KCNN2: variants seen among roughly 807,000 people sequenced by gnomAD.
The protein encoded by KCNN2 is small conductance calcium-activated potassium channel protein 2.
KCNN2 carries 24 observed loss-of-function variants against 55.5 expected under a neutral mutation model. The observed-to-expected ratio is 0.43, with a 90% CI of 0.31 to 0.61. The LOEUF (loss-of-function observed/expected upper bound fraction) is 0.61, where lower values mean the gene tolerates loss of function less well. KCNN2 is among the 20% of genes least tolerant of loss of function. The probability of loss-of-function intolerance (pLI) is 0.08; values close to 1 mark genes in which losing one functional copy is unlikely to be tolerated. For synonymous variants in KCNN2, 431 were observed against 336.1 expected, an observed-to-expected ratio of 1.28 and a Z score of -3.09; for missense variants, 754 against 853.6, an observed-to-expected ratio of 0.88 and a Z score of 1.45.
intron 1 of KCNN2, among the ~76,000 whole-genome samples, chr5:114,111,449 A>G (rs992016094): frequency 6.6e-6 from 1 of 152,218 alleles, no homozygotes; most frequent in Admixed American, 6.5e-5. Flanking sequence ...AAACACGAAA[A>G]GCAAGGGCAA....
chr5:114,162,980 C>G (rs1352054250), intron 1 of KCNN2, among the ~76,000 whole-genome samples: 1 of 152,182 alleles, frequency 6.6e-6, no homozygotes, highest in East Asian at 1.9e-4. Flanking sequence ...CCTGCTTCGG[C>G]TCATGCACGG....
chr5:114,363,001 T>A lies in KCNN2; in HGVS notation c.862T>A (p.Ser288Thr). 1 of 1,594,982 alleles carries A rather than the reference T, an allele frequency of 6.3e-7. No homozygotes were observed. Among genetic ancestry groups the A allele is most frequent in the South Asian group, 1.1e-5 (1 of 90,056 alleles). Reference protein sequence around the residue: ...IVVSKPEHNNSNNLALYGTGG... With the variant: ...IVVSKPEHNNTNNLALYGTGG... ...GGTGTCTAAGCCCGAGCACAACAACTCCAACAACCTGGCGCTCTATGGAAC... is the reference window on the plus strand; with the variant it reads ...GGTGTCTAAGCCCGAGCACAACAACACCAACAACCTGGCGCTCTATGGAAC... The change falls in exon 1 of 8, where the codon TCC becomes ACC. Residue 288 changes from serine (S) to threonine (T), a missense_variant. Around this residue, in one of 4 missense-constraint regions of KCNN2, gnomAD observed 381 missense variants for 259.1 expected, o/e 1.47. Coordinates refer to ENST00000673685, the MANE Select transcript of KCNN2 (RefSeq NM_021614.4).
chr5:114,439,096 G>C (rs1232669894), intron 3 of KCNN2, among the ~76,000 whole-genome samples: 1 of 152,140 alleles, frequency 6.6e-6, no homozygotes, highest in Non-Finnish European at 1.5e-5. Context: ...TGATAGACTT[G>C]ATATTCTCAT....
intron 2 of KCNN2, among the ~76,000 whole-genome samples, chr5:114,394,896 T>G (rs1758570626): frequency 6.6e-6 from 1 of 152,214 alleles, no homozygotes; most frequent in Non-Finnish European, 1.5e-5. Flanking sequence ...TTTTAAAATT[T>G]ATGTGGCTGC....
At chr5:114,257,656 T>C (rs2150002807) in intron 2 of KCNN2, among the ~76,000 whole-genome samples, 1 of 152,292 alleles carries the variant, frequency 6.6e-6, no homozygotes, top group Non-Finnish European at 1.5e-5. Context: ...AGCTTGATTG[T>C]TATAGGTATA....
intron 2 of KCNN2, among the ~76,000 whole-genome samples, chr5:114,312,225 C>G (rs1293989558): frequency 6.6e-6 from 1 of 151,646 alleles, no homozygotes; most frequent in African/African-American, 2.4e-5. Flanking sequence ...TTGGAACAAT[C>G]TCTTTTCTTC....
intron 1 of KCNN2, among the ~76,000 whole-genome samples, chr5:114,188,079 C>T (rs1272588793): frequency 6.6e-6 from 1 of 152,186 alleles, no homozygotes; most frequent in East Asian, 1.9e-4. Flanking sequence ...TACCAAAGTG[C>T]TGGGATTACA....
chr5:114,250,840 C>T (rs550795506), intron 2 of KCNN2, among the ~76,000 whole-genome samples: 15 of 152,246 alleles, frequency 9.9e-5, no homozygotes, highest in East Asian at 1.9e-4. Context: ...TATTTCTCTC[C>T]GGCCATCCAT....
At chr5:114,173,843 G>C (rs1011347669) in intron 1 of KCNN2, among the ~76,000 whole-genome samples, 1 of 151,790 alleles carries the variant, frequency 6.6e-6, no homozygotes, top group Admixed American at 6.6e-5. Context: ...AAATGTCTAA[G>C]AAAATCATTA....
chr5:114,158,482 G>T (rs200989270), intron 1 of KCNN2, among the ~76,000 whole-genome samples: 1 of 152,096 alleles, frequency 6.6e-6, no homozygotes, highest in Non-Finnish European at 1.5e-5. Flanking sequence ...ACTTGGCAAT[G>T]CAGGCTCTTT....
Position 114,496,059 on chromosome 5 carries a change from C to T in KCNN2, c.2253C>T (p.Phe751=), listed in dbSNP as rs80303410. ...CCATCAGGCAGCAGCAGAGAGATTT[C>T]ATTGAGGCTCAGATGGAGAGCTACG... ...SQTIRQQQRD[F]IEAQMESYDK... The change falls in exon 8 of 8, where the codon TTC becomes TTT. Residue 751 remains phenylalanine (F), a synonymous_variant. Transcript: ENST00000673685. 4.4e-3 allele frequency: 7,081 copies of T among 1,614,076 alleles called. 19 individuals are homozygous for T. The highest frequency in any genetic ancestry group is 5.3e-3 in the Non-Finnish European group (6,207 of 1,179,980).
At chr5:114,327,559 G>C (rs1756736026) in intron 2 of KCNN2, among the ~76,000 whole-genome samples, 2 of 152,082 alleles carry the variant, frequency 1.3e-5, no homozygotes, top group South Asian at 4.1e-4. Context: ...TAACTGGCCA[G>C]AAAAAAATTG....
chr5:114,295,505 T>C, intron 2 of KCNN2, among the ~76,000 whole-genome samples: 1 of 152,288 alleles, frequency 6.6e-6, no homozygotes, highest in Middle Eastern at 3.4e-3. Flanking sequence ...CTCCGAGCCA[T>C]GTGCGGGATA....
intron 2 of KCNN2, among the ~76,000 whole-genome samples, chr5:114,290,692 C>A (rs1755868424): frequency 6.6e-6 from 1 of 152,048 alleles, no homozygotes; most frequent in Admixed American, 6.6e-5. Context: ...TGATGTTGAA[C>A]CAGCCTTGCA....
chr5:114,092,336 G>A (rs978198895), intron 1 of KCNN2, among the ~76,000 whole-genome samples: 2 of 152,198 alleles, frequency 1.3e-5, no homozygotes, highest in South Asian at 2.1e-4. Flanking sequence ...CAAGAGGTGG[G>A]CTCCCATGGC....
At chr5:114,375,952 G>GTGTATATATATATATATATATATATATA (rs1249028214) in intron 2 of KCNN2, among the ~76,000 whole-genome samples, 1 of 104,720 alleles carries the variant, frequency 9.5e-6, no homozygotes, top group Non-Finnish European at 1.9e-5. Context: ...GACTCACAGT[G>GTGTATATATATATATATATATATATATA]TATATATATA....
At chr5:114,484,198 G>A (rs1222533477) in intron 5 of KCNN2, among the ~76,000 whole-genome samples, 2 of 152,052 alleles carry the variant, frequency 1.3e-5, no homozygotes, top group African/African-American at 4.8e-5. Context: ...AAAGATTAGT[G>A]ATATGACCCC....
At chr5:114,322,438 A>G (rs1580721264) in intron 2 of KCNN2, among the ~76,000 whole-genome samples, 1 of 152,330 alleles carries the variant, frequency 6.6e-6, no homozygotes, top group South Asian at 2.1e-4. Context: ...TCATATAGTC[A>G]TATCTGTTTA....
intron 2 of KCNN2, among the ~76,000 whole-genome samples, chr5:114,343,777 C>T (rs2150037485): frequency 6.6e-6 from 1 of 152,208 alleles, no homozygotes; most frequent in South Asian, 2.1e-4. Context: ...AACAGTGAAT[C>T]CCTATGGTGG....
Sources: gnomAD v4.1 joint callset for allele counts (sites outside exome capture counted in the v4.1 genomes callset) on GRCh38, gnomAD v4.1.1 for gene constraint, gnomAD v4.1.1 regional missense constraint, MANE v1.5 for transcripts, NCBI Gene and HGNC (gene_info 2026-07-23, HGNC 2026-07-21) for gene names.